LRP8: variants seen among roughly 807,000 people sequenced by gnomAD.
LRP8 encodes LDL receptor related protein 8.
In LRP8, 46 loss-of-function variants were observed where a neutral mutation model predicts 111.6. That is an observed-to-expected ratio of 0.41 (90% CI 0.33 to 0.53). LRP8 has a LOEUF of 0.53. Ranked by LOEUF, LRP8 falls within the 20% of genes least tolerant of loss-of-function variation. LRP8 has a pLI of 0.20. For missense variants in LRP8, 959 were observed against 1,297.4 expected, an observed-to-expected ratio of 0.74 and a Z score of 4.01; for synonymous variants, 464 against 511.2, an observed-to-expected ratio of 0.91 and a Z score of 1.24.
rs1346130235 is a variant in LRP8 at position 53,275,293 on chromosome 1, C to T, written c.1006+338G>A. Among the ~76,000 whole-genome samples, 1 of 152,176 alleles carries T rather than the reference C, an allele frequency of 6.6e-6. No individual in the cohort carries two copies. Among genetic ancestry groups the T allele is most frequent in the African/African-American group, 2.4e-5 (1 of 41,434 alleles). On this transcript the variant is annotated intron_variant, in intron 6 of 18. Coordinates refer to ENST00000306052, the MANE Select transcript of LRP8 (RefSeq NM_004631.5). This position sits in a 1 kb window ranked among gnomAD's most constrained non-coding sequence, Gnocchi z 4.4. ...ACCATCTGAGAACTAAAGGGGCTCC[C>T]TGGGGAGCAAGACTCAGCCTCTGCT... is the stretch of plus-strand genomic sequence containing the variant.
intron 2 of LRP8, among the ~76,000 whole-genome samples, chr1:53,307,081 TGAGTAGGGGGGGTGGTACTCTCTCA>T (rs1652105785): frequency 1.3e-5 from 2 of 152,152 alleles, no homozygotes. Context: ...TGAGCAATAC[TGAGTAGGGGGGGTGGTACTCTCTCA>T]GAACCACTTT....
At chr1:53,257,627 T>C (rs1403118899) in intron 14 of LRP8, among the ~76,000 whole-genome samples, 163 bp from the exon 15 acceptor site, 4 of 152,262 alleles carry the variant, frequency 2.6e-5, no homozygotes, top group African/African-American at 9.6e-5. Flanking sequence ...TTTCTTTAGC[T>C]GAATGCTAAG....
intron 2 of LRP8, among the ~76,000 whole-genome samples, chr1:53,323,833 AC>A (rs1654815838): frequency 6.6e-6 from 1 of 152,024 alleles, no homozygotes; most frequent in Non-Finnish European, 1.5e-5. Flanking sequence ...GAACAATACC[AC>A]CTGTTTTTAA....
At chr1:53,325,890 G>C (rs1655063602) in intron 2 of LRP8, among the ~76,000 whole-genome samples, 1 of 152,240 alleles carries the variant, frequency 6.6e-6, no homozygotes, top group South Asian at 2.1e-4. Flanking sequence ...ATGTCTCTAG[G>C]AGAGCCCTGT....
intron 2 of LRP8, chr1:53,305,165 T>G (rs1259941995): frequency 6.6e-6 from 1 of 152,156 alleles, no homozygotes; most frequent in Non-Finnish European, 1.5e-5. Flanking sequence ...CAAAAACAGG[T>G]GAAGGAACGC....
intron 3 of LRP8, among the ~76,000 whole-genome samples, chr1:53,281,474 C>T (rs1018012992): frequency 1.3e-5 from 2 of 152,254 alleles, no homozygotes; most frequent in Admixed American, 6.5e-5. Context: ...TCTCAGACCT[C>T]CGTGGTTGGC....
intron 2 of LRP8, among the ~76,000 whole-genome samples, chr1:53,320,428 C>A (rs199721184): frequency 1.3e-5 from 2 of 152,194 alleles, no homozygotes; most frequent in African/African-American, 4.8e-5. Flanking sequence ...GCCCTACTGA[C>A]GATGGAGCCA....
Position 53,262,504 on chromosome 1 carries a change from A to G in LRP8, c.1716T>C (p.Gly572=). Residue 572 remains glycine (G), a synonymous_variant, in exon 11 of 19, where the codon GGT becomes GGC. Transcript: ENST00000306052. The surrounding 1 kb of genome is among the most constrained non-coding windows in gnomAD (Gnocchi z 4.8). The part of the protein sequence containing the change: ...QAKIEKSGLN[G]VDRQTLVSDN... Reference sequence around the variant, plus strand: ...CTGACACCAGTGTTTGCCGGTCCACACCGTTGAGCCCAGATTTCTCAATCT... The same window carrying G: ...CTGACACCAGTGTTTGCCGGTCCACGCCGTTGAGCCCAGATTTCTCAATCT... The G allele has an allele frequency of 6.2e-7, 1 of 1,614,156 alleles. No individual in the cohort carries two copies. The highest frequency in any genetic ancestry group is 8.5e-7 in the Non-Finnish European group (1 of 1,180,026).
At chr1:53,268,777 T>C (rs537135162) in intron 8 of LRP8, among the ~76,000 whole-genome samples, 49 of 152,282 alleles carry the variant, frequency 3.2e-4, no homozygotes, top group African/African-American at 1.0e-3. Context: ...TGCTGTAACT[T>C]TTTTTTCCAC....
rs1027341803 is a variant in LRP8 at position 53,293,288 on chromosome 1, C to T, written c.245-3599G>A. Among the ~76,000 whole-genome samples, 1 of 152,150 alleles carries T rather than the reference C, an allele frequency of 6.6e-6. No individual in the cohort carries two copies. The highest frequency in any genetic ancestry group is 2.4e-5 in the African/African-American group (1 of 41,428). On this transcript the variant is annotated intron_variant, in intron 2 of 18. Coordinates refer to ENST00000306052, the MANE Select transcript of LRP8 (RefSeq NM_004631.5). The surrounding 1 kb of genome is among the most constrained non-coding windows in gnomAD (Gnocchi z 4.9). Reference sequence around the variant, plus strand: ...CAAAGGGCAGCTTTGAGGTCAGCCCCGCCCAGGAAATGGCAGCTGCAGGGA... The same window carrying T: ...CAAAGGGCAGCTTTGAGGTCAGCCCTGCCCAGGAAATGGCAGCTGCAGGGA...
At chr1:53,258,636 T>C (rs1173192924) in intron 13 of LRP8, among the ~76,000 whole-genome samples, 165 bp from the exon 14 acceptor site, 1 of 152,186 alleles carries the variant, frequency 6.6e-6, no homozygotes, top group Non-Finnish European at 1.5e-5. Flanking sequence ...CCCAAAGCTT[T>C]TGGGATACAC....
chr1:53,248,290 G>A (rs1375406540), intron 18 of LRP8, among the ~76,000 whole-genome samples: 6 of 152,192 alleles, frequency 3.9e-5, no homozygotes, highest in African/African-American at 1.2e-4. Flanking sequence ...TCCTCCACCA[G>A]TGTAGATATT....
chr1:53,287,754 G>A (rs1572552339), intron 3 of LRP8, among the ~76,000 whole-genome samples: 1 of 152,142 alleles, frequency 6.6e-6, no homozygotes, highest in Admixed American at 6.5e-5. Flanking sequence ...AGGCAGGAGG[G>A]CCCCTGCCCA....
In LRP8 at chr1:53,248,568, T is replaced by A. The variant is rs539929520; in HGVS notation, c.2853+812A>T. Among the ~76,000 whole-genome samples, 26 of 152,370 alleles carry A rather than the reference T, an allele frequency of 1.7e-4. 1 individual carries two copies. In the South Asian group the frequency reaches 5.4e-3, roughly 32 times the overall value. ...TATGACCTTAGGCAAGTTATTCAAT[T>A]TCTATGAGTCTCAGTTTCCTCATCT... On this transcript the variant is annotated intron_variant, in intron 18 of 18. Coordinates refer to ENST00000306052, the MANE Select transcript of LRP8 (RefSeq NM_004631.5).
Position 53,321,680 on chromosome 1 carries a change from ACTCACACC to A in LRP8, c.244+5185_244+5192del, listed in dbSNP as rs1258034004. 9.2e-5 allele frequency among the ~76,000 whole-genome samples: 14 copies of A among 151,474 alleles called. No individual in the cohort carries two copies. The East Asian group carries it at 3.0e-3, about 33-fold the overall frequency. ...GCCAACCATCCCTGAGGCCCAAGGG[ACTCACACC>A]GGGGAATGCTGACCTGGGAGGGCCC... On this transcript the variant is annotated intron_variant, in intron 2 of 18. Coordinates refer to ENST00000306052, the MANE Select transcript of LRP8 (RefSeq NM_004631.5).
rs148809411 is a variant in LRP8, at chr1:53,308,035, C to A, written c.245-18346G>T. ...AGAGACCCCTTCCCAGCAGCCCTGG[C>A]GGAGTGGTCTGGCCCCAGGTGCACA... On this transcript the variant is annotated intron_variant, in intron 2 of 18. Transcript: ENST00000306052. Among the ~76,000 whole-genome samples, 103 of 152,320 alleles carry A rather than the reference C, an allele frequency of 6.8e-4. 1 individual carries two copies. In the East Asian group the frequency reaches 0.01, roughly 15 times the overall value.
rs1239501964 is a variant in LRP8 at position 53,243,180 on chromosome 1, G to A, written c.*3838C>T. 1 of 152,168 alleles carries A rather than the reference G, an allele frequency of 6.6e-6. No homozygotes were observed. Among genetic ancestry groups the A allele is most frequent in the Non-Finnish European group, 1.5e-5 (1 of 68,038 alleles). 9.4% of individuals were successfully genotyped at this position (152,168 alleles called of 1,614,324 possible). A position where few individuals can be genotyped will look rare whatever the true frequency, so the allele number is the denominator to read the frequency against. On this transcript the variant is annotated 3_prime_UTR_variant, in exon 19 of 19. Transcript: ENST00000306052. ...TGAGTGTATGGCTGGAGTTCGGGGG[G>A]TAGGGTGGAGAGGCTTGCATTCCTG...
chr1:53,319,207 G>A (rs557093058), intron 2 of LRP8, among the ~76,000 whole-genome samples: 1 of 152,294 alleles, frequency 6.6e-6, no homozygotes, highest in Admixed American at 6.5e-5. Context: ...GCCATCCAAG[G>A]ATTACGGCAG....
At position 53,274,932 on chromosome 1, in the gene LRP8, C is replaced by T. The variant is rs1161384674; in HGVS notation, c.1006+699G>A. The T allele has an allele frequency of 1.6e-5, 7 of 434,766 alleles. No homozygotes were observed. The East Asian group carries it at 4.2e-4, about 26-fold the overall frequency. The allele number at this position is 434,766 out of a possible 1,614,324, so 26.9% of individuals were successfully genotyped here. ...CTCCAGTTCCAGTCCCTCACAGGTC[C>T]CTGGAGGGTGGCCCAGGACAGACAG... On this transcript the variant is annotated intron_variant, in intron 6 of 18. Transcript: ENST00000306052.
Sources: allele counts gnomAD v4.1 joint callset (sites outside exome capture counted in the v4.1 genomes callset), GRCh38; gene constraint gnomAD v4.1.1; non-coding constraint Gnocchi (gnomAD v3.1); transcripts MANE v1.5; gene names NCBI Gene and HGNC (gene_info 2026-07-23, HGNC 2026-07-21).